HEATR5A: variants seen among roughly 807,000 people sequenced by gnomAD.
HEATR5A encodes the protein HEAT repeat-containing protein 5A.
Under a neutral mutation model 218.8 loss-of-function variants are expected in HEATR5A, and 178 were observed. That is an observed-to-expected ratio of 0.81 (90% CI 0.72 to 0.92). HEATR5A has a LOEUF of 0.92. HEATR5A is among the 40% of genes least tolerant of loss of function. The probability of loss-of-function intolerance (pLI) is 0.00; values close to 1 mark genes in which losing one functional copy is unlikely to be tolerated. For synonymous variants in HEATR5A, 864 were observed against 871.6 expected (o/e 0.99, Z 0.15); for missense variants, 2,420 against 2,418.9 (o/e 1.00, Z -0.01).
At chr14:31,335,646 T>C (rs1418521986) in intron 22 of HEATR5A, among the ~76,000 whole-genome samples, 3 of 152,170 alleles carry the variant, frequency 2.0e-5, no homozygotes, top group South Asian at 2.1e-4. Flanking sequence ...GAAAACTATA[T>C]ACATAAATTA....
At chr14:31,345,402 T>C in intron 19 of HEATR5A, 126 bp from the exon 20 acceptor site, 1 of 702,500 alleles carries the variant, frequency 1.4e-6, no homozygotes. Flanking sequence ...ACTACTCATG[T>C]GGAAAGAGAA....
At chr14:31,328,439 T>C (rs1900344755) in intron 22 of HEATR5A, among the ~76,000 whole-genome samples, 1 of 152,100 alleles carries the variant, frequency 6.6e-6, no homozygotes, top group African/African-American at 2.4e-5. Flanking sequence ...TAAAGGACAT[T>C]TTTTGGATGA....
intron 17 of HEATR5A, 69 bp from the exon 18 acceptor site, chr14:31,350,048 A>T: frequency 9.2e-7 from 1 of 1,087,238 alleles, no homozygotes. Context: ...AGGAATGTAC[A>T]TTCTGGTTAA....
At chr14:31,366,122 G>A in intron 13 of HEATR5A, among the ~76,000 whole-genome samples, 1 of 152,046 alleles carries the variant, frequency 6.6e-6, no homozygotes, top group East Asian at 1.9e-4. Flanking sequence ...GTAACACCTG[G>A]GTAAGGCCAG....
intron 1 of HEATR5A, among the ~76,000 whole-genome samples, chr14:31,406,977 CAA>C (rs58202101): frequency 3.6e-4 from 27 of 74,630 alleles, no homozygotes; most frequent in Non-Finnish European, 5.1e-4. Context: ...ACCTCTGTCT[CAA>C]AAAAAAAAAA....
intron 16 of HEATR5A, among the ~76,000 whole-genome samples, chr14:31,352,055 T>C (rs532745818): frequency 6.6e-6 from 1 of 152,186 alleles, no homozygotes; most frequent in Non-Finnish European, 1.5e-5. Flanking sequence ...CAATATTTCA[T>C]GTCCTTATAG....
chr14:31,336,436 G>A (rs923667069), intron 22 of HEATR5A, among the ~76,000 whole-genome samples: 4 of 151,206 alleles, frequency 2.6e-5, no homozygotes, highest in Non-Finnish European at 5.9e-5. Flanking sequence ...CAGTCCTCTC[G>A]CCTTAGCCTC....
intron 24 of HEATR5A, 21 bp from the exon 25 acceptor site, chr14:31,321,701 T>C (rs779585953): frequency 1.1e-5 from 17 of 1,510,806 alleles, no homozygotes; most frequent in Admixed American, 2.2e-5. Flanking sequence ...AAAAAACATA[T>C]TGGGAGAAAA....
At position 31,383,555 on chromosome 14, in the gene HEATR5A, T is replaced by C. The variant is rs757325727; in HGVS notation, c.1562A>G (p.His521Arg). The part of the protein sequence containing the change: ...AVAALLGAVK[H>R]CPLGIPHGKG... ...TCCATGAGGAATTCCTAAAGGACAA[T>C]GTTTTACTGCTCCCAACAAAGCTGC... Residue 521 changes from histidine to arginine, a missense_variant, in exon 10 of 36, where the codon CAT becomes CGT. Coordinates refer to ENST00000543095, the MANE Select transcript of HEATR5A (RefSeq NM_015473.4). 56 of 1,613,756 alleles carry C rather than the reference T, an allele frequency of 3.5e-5. No homozygotes were observed. Among genetic ancestry groups the C allele is most frequent in the Non-Finnish European group, 4.6e-5 (54 of 1,179,828 alleles).
At chr14:31,406,471 T>G (rs759729065) in intron 1 of HEATR5A, among the ~76,000 whole-genome samples, 1 of 152,208 alleles carries the variant, frequency 6.6e-6, no homozygotes, top group African/African-American at 2.4e-5. Flanking sequence ...ATCTGCCAAA[T>G]TGTCCATGAA....
chr14:31,345,164 G>C lies in HEATR5A; in HGVS notation c.2981C>G (p.Pro994Arg). Residue 994 changes from proline (P) to arginine (R), a missense_variant, in exon 20 of 36, where the codon CCT (proline) becomes CGT (arginine). Physicochemically the swap from Pro to Arg is moderately radical, Grantham distance 103. Coordinates refer to ENST00000543095, the MANE Select transcript of HEATR5A (RefSeq NM_015473.4). ...GCTTTGGTGAACTTCAGCATGAGTA[G>C]GAGGCACATTTAACAACAACATTAT... ...LIIMLLLNVP[P>R]THAEVHQSLG... 6.2e-7 allele frequency: 1 copy of C among 1,613,924 alleles called. No individual in the cohort carries two copies. The highest frequency in any genetic ancestry group is 8.5e-7 in the Non-Finnish European group (1 of 1,179,834).
At chr14:31,344,281 TTTTTTTTTTTTTTTG>T (rs1900946596) in intron 20 of HEATR5A, among the ~76,000 whole-genome samples, 1 of 128,180 alleles carries the variant, frequency 7.8e-6, no homozygotes, top group Non-Finnish European at 1.7e-5. Context: ...TTTTTTTTTT[TTTTTTTTTTTTTTTG>T]AGACAGAGTC....
At chr14:31,411,299 A>G (rs2031262688) in intron 1 of HEATR5A, among the ~76,000 whole-genome samples, 1 of 140,958 alleles carries the variant, frequency 7.1e-6, no homozygotes, top group Non-Finnish European at 1.5e-5. Context: ...GAAAATTCAA[A>G]AGAACTTACA....
intron 33 of HEATR5A, among the ~76,000 whole-genome samples, chr14:31,300,038 C>T (rs935243884): frequency 1.3e-5 from 2 of 152,006 alleles, no homozygotes; most frequent in Admixed American, 1.3e-4. Flanking sequence ...TCCAACTCAA[C>T]AACAACCACA....
chr14:31,394,636 G>A (rs368829131), intron 5 of HEATR5A, among the ~76,000 whole-genome samples: 154 of 151,824 alleles, frequency 1.0e-3, no homozygotes, highest in African/African-American at 3.1e-3. Flanking sequence ...TAAGATGGTG[G>A]AACCCCGTCT....
intron 1 of HEATR5A, among the ~76,000 whole-genome samples, chr14:31,411,049 T>C (rs940216398): frequency 1.3e-5 from 2 of 152,168 alleles, no homozygotes; most frequent in Non-Finnish European, 2.9e-5. Flanking sequence ...TAAATCTAAA[T>C]ATGAAAAATG....
intron 18 of HEATR5A, 117 bp downstream of exon 18, chr14:31,349,672 A>C (rs1901148462): frequency 2.9e-6 from 2 of 681,448 alleles, no homozygotes. Context: ...AACATTTGAC[A>C]ATTTTTCTTT....
intron 4 of HEATR5A, among the ~76,000 whole-genome samples, chr14:31,396,511 A>G (rs1028947663): frequency 6.6e-6 from 1 of 152,216 alleles, no homozygotes; most frequent in African/African-American, 2.4e-5. Flanking sequence ...CTCAAATCAT[A>G]TCTATATCCC....
chr14:31,380,364 T>C, intron 11 of HEATR5A, 103 bp downstream of exon 11: 1 of 674,952 alleles, frequency 1.5e-6, no homozygotes, highest in African/African-American at 1.8e-5. Context: ...ATTTAAATTC[T>C]GGTATGTATT....
Sources: gnomAD v4.1 joint callset for allele counts (sites outside exome capture counted in the v4.1 genomes callset) on GRCh38, gnomAD v4.1.1 for gene constraint, MANE v1.5 for transcripts, NCBI Gene and HGNC (gene_info 2026-07-23, HGNC 2026-07-21) for gene names.